Variants in IL1RL2 observed in about 807,000 individuals in gnomAD.
The protein encoded by IL1RL2 is interleukin 1 receptor like 2.
IL1RL2 carries 68 observed loss-of-function variants against 66.8 expected under a neutral mutation model. The observed-to-expected ratio is 1.02, with a 90% CI of 0.84 to 1.25. The LOEUF is 1.25. Ranked by LOEUF, IL1RL2 falls within the 50% of genes most tolerant of loss-of-function variation. The pLI is 0.00. For missense variants in IL1RL2, 729 were observed against 709.3 expected, an observed-to-expected ratio of 1.03 and a Z score of -0.32; for synonymous variants, 305 against 264.6, an observed-to-expected ratio of 1.15 and a Z score of -1.48.
At chr2:102,241,167 ATCTT>A (rs1298546738), downstream of IL1RL2, among the ~76,000 whole-genome samples, 1 of 152,236 alleles carries the variant, frequency 6.6e-6, no homozygotes, top group Non-Finnish European at 1.5e-5. Context: ...GGCCAAGGAT[ATCTT>A]TCTTCTTTTT....
chr2:102,232,802 A>G (rs1691250633), intron 9 of IL1RL2, among the ~76,000 whole-genome samples, 161 bp from the exon 10 acceptor site: 1 of 152,164 alleles, frequency 6.6e-6, no homozygotes, highest in Non-Finnish European at 1.5e-5. Context: ...AGAGGAGATG[A>G]TGTCCCTTGG....
At chr2:102,230,274 G>GA (rs1176510329) in intron 9 of IL1RL2, among the ~76,000 whole-genome samples, 4 of 151,888 alleles carry the variant, frequency 2.6e-5, no homozygotes, top group South Asian at 2.1e-4. Flanking sequence ...TCTATCTATG[G>GA]AAAAAAAATC....
chr2:102,190,922 T>C (rs190170224), intron 3 of IL1RL2, among the ~76,000 whole-genome samples: 2 of 152,368 alleles, frequency 1.3e-5, no homozygotes, highest in Admixed American at 1.3e-4. Context: ...AAGACTTTTA[T>C]TACTAACATC....
chr2:102,200,070 TC>T (rs1688116957), intron 4 of IL1RL2, among the ~76,000 whole-genome samples: 1 of 122,304 alleles, frequency 8.2e-6, no homozygotes, highest in Non-Finnish European at 1.6e-5. Context: ...AGTGGGAGGA[TC>T]CCCCGAGCTC....
intron 4 of IL1RL2, among the ~76,000 whole-genome samples, chr2:102,195,629 C>CTT (rs1379287788): frequency 0.049 from 837 of 16,934 alleles, 16 homozygotes; most frequent in African/African-American, 0.067. Context: ...TTCTTTCTTT[C>CTT]TCTCTCTCTC....
chr2:102,228,904 T>G (rs1690880515), intron 9 of IL1RL2, among the ~76,000 whole-genome samples: 1 of 152,220 alleles, frequency 6.6e-6, no homozygotes. Flanking sequence ...GAGTCCTCAT[T>G]TCAAAAGGGC....
chr2:102,204,014 C>T (rs1288566965), intron 5 of IL1RL2, among the ~76,000 whole-genome samples: 1 of 151,926 alleles, frequency 6.6e-6, no homozygotes, highest in East Asian at 1.9e-4. Flanking sequence ...TTGATGTAGG[C>T]ACTTATAGCT....
chr2:102,241,991 T>C (rs530387353), downstream of IL1RL2, among the ~76,000 whole-genome samples: 36 of 152,320 alleles, frequency 2.4e-4, no homozygotes, highest in Admixed American at 8.5e-4. Flanking sequence ...GGACATGAGT[T>C]TGTGAAACAA....
rs776005558 is a variant in IL1RL2, at chr2:102,189,142, G to A, written c.125G>A (p.Cys42Tyr). The A allele has an allele frequency of 6.2e-7, 1 of 1,613,964 alleles. No homozygotes were observed. The highest frequency in any genetic ancestry group is 2.2e-5 in the East Asian group (1 of 44,848). ...GCAAGCCAGCCTTTTGCTTTTAATT[G>A]TACATTCCCTCCCATAACATCTGGG... ...LSASQPFAFN[C>Y]TFPPITSGEV... Residue 42 changes from cysteine (C) to tyrosine (Y), a missense_variant, in exon 3 of 12, where the codon TGT becomes TAT. Physicochemically the swap from Cys to Tyr is radical, Grantham distance 194 (BLOSUM62 -2). Coordinates refer to ENST00000264257, the MANE Select transcript of IL1RL2 (RefSeq NM_003854.4).
At chr2:102,208,804 T>C (rs950506082) in intron 5 of IL1RL2, among the ~76,000 whole-genome samples, 5 of 152,246 alleles carry the variant, frequency 3.3e-5, no homozygotes, top group Non-Finnish European at 5.9e-5. Context: ...TTGATTTAAA[T>C]ATTTTGGGGT....
At chr2:102,196,717 C>T (rs547247407) in intron 4 of IL1RL2, among the ~76,000 whole-genome samples, 2 of 152,096 alleles carry the variant, frequency 1.3e-5, no homozygotes, top group Non-Finnish European at 2.9e-5. Flanking sequence ...CTGGTGGGTA[C>T]GGCAAGGAAG....
At position 102,235,056 on chromosome 2, in the gene IL1RL2, T is replaced by C. The variant is rs771780632; in HGVS notation, c.1457T>C (p.Ile486Thr). The change falls in exon 11 of 12, where the codon ATT becomes ACT. Residue 486 changes from isoleucine (I) to threonine (T), a missense_variant. Physicochemically the swap from Ile to Thr is moderately conservative, Grantham distance 89. Coordinates refer to ENST00000264257, the MANE Select transcript of IL1RL2 (RefSeq NM_003854.4). ...LIQDGMKVIL[I>T]ELEKIEDYTV... The stretch of plus-strand genomic sequence containing the variant: ...CAGGACGGGATGAAGGTTATTCTCA[T>C]TGAGCTGGAGAAAATCGAGGACTAC... 3.6e-5 allele frequency: 58 copies of C among 1,613,960 alleles called. No individual in the cohort carries two copies. Among genetic ancestry groups the C allele is most frequent in the Non-Finnish European group, 2.3e-5 (27 of 1,180,018 alleles).
downstream of IL1RL2, among the ~76,000 whole-genome samples, chr2:102,240,315 T>G (rs1675192747): frequency 6.7e-6 from 1 of 149,220 alleles, no homozygotes; most frequent in South Asian, 2.2e-4. Flanking sequence ...TTTCGTCCTC[T>G]CATCCTCTCT....
intron 5 of IL1RL2, among the ~76,000 whole-genome samples, chr2:102,208,544 C>T (rs868196827): frequency 1.1e-4 from 17 of 152,204 alleles, no homozygotes; most frequent in African/African-American, 3.6e-4. Flanking sequence ...GAACTAAAGG[C>T]TGGATACTTC....
At chr2:102,208,981 G>A (rs1688934490) in intron 5 of IL1RL2, among the ~76,000 whole-genome samples, 1 of 152,204 alleles carries the variant, frequency 6.6e-6, no homozygotes, top group South Asian at 2.1e-4. Flanking sequence ...CCTGAGCCCA[G>A]TGCCTGGCCT....
rs1401159212 is a variant in IL1RL2, at chr2:102,233,051, C to A, written c.1224C>A (p.Ile408=). 4 of 1,614,048 alleles carry A rather than the reference C, an allele frequency of 2.5e-6. No individual in the cohort carries two copies. Among genetic ancestry groups the A allele is most frequent in the Non-Finnish European group, 3.4e-6 (4 of 1,180,012 alleles). The change falls in exon 10 of 12, where the codon ATC becomes ATA. Residue 408 remains isoleucine (I), a synonymous_variant. Transcript: ENST00000264257. ...CCGTGGATGCCCTGGTGTTGAATATCCTGCCCGAGGTGTTGGAGAGACAAT... is the reference window on the plus strand; with the variant it reads ...CCGTGGATGCCCTGGTGTTGAATATACTGCCCGAGGTGTTGGAGAGACAAT... ...RHAVDALVLN[I]LPEVLERQCG... is the part of the protein sequence containing the mutation.
Position 102,195,619 on chromosome 2 carries a change from TTCTTTCTTTCTCTC to T in IL1RL2, c.489+3503_489+3516del, listed in dbSNP as rs1419179990. On this transcript the variant is annotated intron_variant, in intron 4 of 11. Transcript: ENST00000264257. ...TTTCTTTCTTTCTTTCTTTCTTTCT[TTCTTTCTTTCTCTC>T]TCTCTCTCTCTCTCTTTCTTTCTTT... is the stretch of plus-strand genomic sequence containing the variant. Among the ~76,000 whole-genome samples, 25 of 14,266 alleles carry T rather than the reference TTCTTTCTTTCTCTC, an allele frequency of 1.8e-3. 1 individual carries two copies. The highest frequency in any genetic ancestry group is 3.1e-3 in the African/African-American group (18 of 5,856). The allele number at this position is 14,266 out of a possible 152,430, so 9.4% of individuals were successfully genotyped here. A position where few individuals can be genotyped will look rare whatever the true frequency, so the allele number is the denominator to read the frequency against.
chr2:102,230,306 T>C (rs1229973266), intron 9 of IL1RL2, among the ~76,000 whole-genome samples: 1 of 152,228 alleles, frequency 6.6e-6, no homozygotes, highest in Non-Finnish European at 1.5e-5. Flanking sequence ...GAAAGTCAAA[T>C]GTGTGCTATG....
intron 8 of IL1RL2, among the ~76,000 whole-genome samples, chr2:102,221,485 C>T (rs578152725): frequency 2.3e-4 from 35 of 152,112 alleles, no homozygotes; most frequent in Non-Finnish European, 4.3e-4. Flanking sequence ...TCTGTTTTTT[C>T]TTACCTTTGT....
Sources: gnomAD v4.1 joint callset for allele counts (sites outside exome capture counted in the v4.1 genomes callset) on GRCh38, gnomAD v4.1.1 for gene constraint, MANE v1.5 for transcripts, NCBI Gene and HGNC (gene_info 2026-07-23, HGNC 2026-07-21) for gene names.